The following GSE1 variants were observed in gnomAD, a reference collection of about 807,000 sequenced individuals.
GSE1 encodes genetic suppressor element 1.
A neutral mutation model predicts 112.6 loss-of-function variants in GSE1; 32 were observed. The observed-to-expected ratio is 0.28, with a 90% CI of 0.21 to 0.38. GSE1 has a LOEUF of 0.38. Ranked by LOEUF, GSE1 falls within the 10% of genes least tolerant of loss-of-function variation. The pLI is 1.00. For synonymous variants in GSE1, 1,115 were observed against 735.6 expected, an observed-to-expected ratio of 1.52 and a Z score of -8.35; for missense variants, 2,348 against 1,699.2, an observed-to-expected ratio of 1.38 and a Z score of -6.71.
chr16:85,318,756 T>A (rs1422094665), intron 1 of GSE1, among the ~76,000 whole-genome samples: 1 of 152,202 alleles, frequency 6.6e-6, no homozygotes, highest in Non-Finnish European at 1.5e-5. Context: ...CCAGTGAGGA[T>A]GTGGCTTCTC....
At chr16:85,346,431 TGG>T (rs2046740069) in intron 1 of GSE1, among the ~76,000 whole-genome samples, 2 of 3,072 alleles carry the variant, frequency 6.5e-4, no homozygotes, top group African/African-American at 9.7e-4. Flanking sequence ...GATGGACAGG[TGG>T]ATGGTGGATG....
At chr16:85,639,709 G>A (rs2050286953) in intron 2 of GSE1, among the ~76,000 whole-genome samples, 1 of 152,356 alleles carries the variant, frequency 6.6e-6, no homozygotes, top group African/African-American at 2.4e-5. Flanking sequence ...TGTCGGGCCT[G>A]CCCAGTGTCT....
chr16:85,182,975 C>T (rs2074623334), intron 1 of GSE1, among the ~76,000 whole-genome samples: 1 of 152,158 alleles, frequency 6.6e-6, no homozygotes, highest in African/African-American at 2.4e-5. Flanking sequence ...CATGCAAACC[C>T]ACCCACACAC....
At chr16:85,238,528 G>T (rs1444734570) in intron 1 of GSE1, among the ~76,000 whole-genome samples, 1 of 152,144 alleles carries the variant, frequency 6.6e-6, no homozygotes, top group African/African-American at 2.4e-5. Context: ...GGGAAGGGGC[G>T]TTGGAAGCCT....
At chr16:85,335,867 C>T (rs1300687752) in intron 1 of GSE1, among the ~76,000 whole-genome samples, 2 of 152,174 alleles carry the variant, frequency 1.3e-5, no homozygotes, top group East Asian at 1.9e-4. Flanking sequence ...TCAGACCTGA[C>T]GTCCAGTGTG....
intron 1 of GSE1, among the ~76,000 whole-genome samples, chr16:85,564,211 C>T (rs1201146607): frequency 2.0e-5 from 3 of 152,160 alleles, no homozygotes; most frequent in Non-Finnish European, 4.4e-5. Context: ...GCACTAAAAG[C>T]AGGCTTTGGA....
chr16:85,640,369 G>T (rs746740000), intron 2 of GSE1, among the ~76,000 whole-genome samples: 1 of 152,228 alleles, frequency 6.6e-6, no homozygotes, highest in African/African-American at 2.4e-5. Context: ...CCCATAGCCC[G>T]GCTTGGGCCA....
chr16:85,589,591 ATG>A (rs1286051092), intron 1 of GSE1, among the ~76,000 whole-genome samples: 1 of 152,142 alleles, frequency 6.6e-6, no homozygotes, highest in African/African-American at 2.4e-5. Context: ...GTGCCTGAGC[ATG>A]TGTGACCCAG....
At chr16:85,395,864 G>C (rs545582745) in intron 2 of GSE1, among the ~76,000 whole-genome samples, 1 of 151,506 alleles carries the variant, frequency 6.6e-6, no homozygotes, top group South Asian at 2.1e-4. Flanking sequence ...CCCAGAGATG[G>C]GGAGAGAAGA....
intron 1 of GSE1, 121 bp downstream of exon 1, chr16:85,613,519 G>A (rs1329011795): frequency 1.1e-6 from 1 of 914,816 alleles, no homozygotes. Context: ...AACTTCCCCG[G>A]AGTGTTAGCG....
At chr16:85,646,018 C>T (rs992238187) in intron 2 of GSE1, among the ~76,000 whole-genome samples, 2 of 147,526 alleles carry the variant, frequency 1.4e-5, no homozygotes, top group African/African-American at 5.2e-5. Flanking sequence ...CTGCTTCTCC[C>T]ACGCTTTCTA....
At chr16:85,310,913 A>C (rs2151481126) in intron 1 of GSE1, among the ~76,000 whole-genome samples, 1 of 151,862 alleles carries the variant, frequency 6.6e-6, no homozygotes, top group African/African-American at 2.4e-5. Flanking sequence ...CTGGGGATGG[A>C]GGGGGGCACC....
intron 1 of GSE1, among the ~76,000 whole-genome samples, chr16:85,349,874 T>C (rs1408663619): frequency 1.3e-5 from 2 of 152,164 alleles, no homozygotes; most frequent in African/African-American, 4.8e-5. Context: ...TGCCCCAGAG[T>C]GCGGCCTGGG....
chr16:85,447,196 A>G (rs534419428), intron 2 of GSE1, among the ~76,000 whole-genome samples: 1 of 152,192 alleles, frequency 6.6e-6, no homozygotes. Flanking sequence ...GCAAGAAGGC[A>G]CTAGTTAGGA....
At chr16:85,375,035 T>C (rs1169143973) in intron 2 of GSE1, among the ~76,000 whole-genome samples, 1 of 152,202 alleles carries the variant, frequency 6.6e-6, no homozygotes, top group Non-Finnish European at 1.5e-5. Flanking sequence ...CACTCGCTGC[T>C]GTGTGACCTG....
In GSE1 at chr16:85,668,313, G is replaced by C; in HGVS notation, c.3304G>C (p.Glu1102Gln). The C allele has an allele frequency of 6.2e-7, 1 of 1,611,300 alleles. No homozygotes were observed. Among genetic ancestry groups the C allele is most frequent in the Non-Finnish European group, 8.5e-7 (1 of 1,177,698 alleles). Residue 1102 changes from glutamate (E) to glutamine (Q), a missense_variant, in exon 14 of 16, where the codon GAG (glutamate) becomes CAG (glutamine). Coordinates refer to ENST00000253458, the MANE Select transcript of GSE1 (RefSeq NM_014615.5). ...PPTQELDRDSEEEEEEDDEDG... is the reference protein window; with the variant it reads ...PPTQELDRDSQEEEEEDDEDG... ...AACCCAGGAGTTGGACCGGGACTCGGAGGAGGAGGAAGAGGAGGATGATGA... is the reference window on the plus strand; with the variant it reads ...AACCCAGGAGTTGGACCGGGACTCGCAGGAGGAGGAAGAGGAGGATGATGA...
intron 2 of GSE1, among the ~76,000 whole-genome samples, chr16:85,646,896 G>C (rs556346480): frequency 6.6e-6 from 1 of 151,986 alleles, no homozygotes; most frequent in African/African-American, 2.4e-5. Flanking sequence ...ACAACAAGGG[G>C]GGGGGTGGGG....
At chr16:85,348,006 T>G (rs896478712) in intron 1 of GSE1, among the ~76,000 whole-genome samples, 7 of 152,186 alleles carry the variant, frequency 4.6e-5, no homozygotes, top group Non-Finnish European at 1.0e-4. Context: ...CTACTCTTTA[T>G]GTAGCAAAGG....
At chr16:85,453,333 G>C (rs1385035) in intron 2 of GSE1, among the ~76,000 whole-genome samples, 51,841 of 152,010 alleles carry the variant, frequency 0.34, 9,896 homozygotes, top group Admixed American at 0.45. Flanking sequence ...AGATTGCTCG[G>C]TGCATGGACG....
Sources: allele counts gnomAD v4.1 joint callset (sites outside exome capture counted in the v4.1 genomes callset), GRCh38; gene constraint gnomAD v4.1.1; transcripts MANE v1.5; gene names NCBI Gene and HGNC (gene_info 2026-07-23, HGNC 2026-07-21).